The following BPTF variants were observed in gnomAD, a reference collection of about 807,000 sequenced individuals.
BPTF encodes bromodomain PHD finger transcription factor, also known as nucleosome-remodeling factor subunit BPTF.
Under a neutral mutation model 292.5 loss-of-function variants are expected in BPTF, and 18 were observed. That is an observed-to-expected ratio of 0.06 (90% confidence interval 0.04 to 0.09). The LOEUF (loss-of-function observed/expected upper bound fraction) is 0.09, where lower values mean the gene tolerates loss of function less well. BPTF is among the 10% of genes least tolerant of loss of function. The probability of loss-of-function intolerance (pLI) is 1.00; values close to 1 mark genes in which losing one functional copy is unlikely to be tolerated. For synonymous variants in BPTF, 1,225 were observed against 1,251.9 expected, an observed-to-expected ratio of 0.98 and a Z score of 0.45; for missense variants, 2,726 against 3,498.7, an observed-to-expected ratio of 0.78 and a Z score of 5.57.
intron 7 of BPTF, among the ~76,000 whole-genome samples, chr17:67,899,676 G>A (rs1056539451): frequency 7.3e-5 from 11 of 151,634 alleles, no homozygotes; most frequent in East Asian, 2.0e-4. Flanking sequence ...TATTATAGGC[G>A]TGTGCCACCA....
intron 1 of BPTF, among the ~76,000 whole-genome samples, chr17:67,835,387 T>A (rs76133941): frequency 6.6e-6 from 1 of 152,360 alleles, no homozygotes; most frequent in African/African-American, 2.4e-5. Context: ...AGTCTGCCTC[T>A]GTTAGACCAG....
At chr17:67,953,961 C>CTTTTTTTTTTTTTTTTT (rs869063412) in intron 23 of BPTF, among the ~76,000 whole-genome samples, 3 of 65,642 alleles carry the variant, frequency 4.6e-5, no homozygotes, top group African/African-American at 2.2e-4. Context: ...CTTTTCTTTT[C>CTTTTTTTTTTTTTTTTT]TTTTTTTTTT....
intron 23 of BPTF, among the ~76,000 whole-genome samples, chr17:67,949,502 G>T (rs1299588888): frequency 6.6e-6 from 1 of 151,284 alleles, no homozygotes; most frequent in Non-Finnish European, 1.5e-5. Flanking sequence ...TTGAACCTGG[G>T]AGGCAGAGGT....
At chr17:67,946,852 G>A (rs1175628545) in intron 21 of BPTF, among the ~76,000 whole-genome samples, 1 of 152,206 alleles carries the variant, frequency 6.6e-6, no homozygotes, top group East Asian at 1.9e-4. Flanking sequence ...GTGAAATAAA[G>A]CAATTTAGAT....
intron 12 of BPTF, 65 bp downstream of exon 12, chr17:67,918,903 G>A: frequency 6.4e-7 from 1 of 1,550,634 alleles, no homozygotes; most frequent in Non-Finnish European, 8.8e-7. Flanking sequence ...CCAGGCGTGG[G>A]CGCTCATGCC....
chr17:67,930,077 C>T (rs1221587990), intron 17 of BPTF, among the ~76,000 whole-genome samples: 1 of 149,632 alleles, frequency 6.7e-6, no homozygotes, highest in African/African-American at 2.5e-5. Context: ...GATTGTGCCA[C>T]CACACTCTAG....
intron 3 of BPTF, among the ~76,000 whole-genome samples, chr17:67,869,364 T>C (rs1347974813): frequency 1.3e-5 from 2 of 152,140 alleles, no homozygotes; most frequent in South Asian, 2.1e-4. Flanking sequence ...AAAACAGGAA[T>C]GGGTAATCAA....
At chr17:67,916,568 C>G (rs553324972) in intron 11 of BPTF, among the ~76,000 whole-genome samples, 40 of 151,308 alleles carry the variant, frequency 2.6e-4, no homozygotes, top group Non-Finnish European at 5.2e-4. Flanking sequence ...CCAGCCTGAG[C>G]GACAAGAGCA....
intron 7 of BPTF, among the ~76,000 whole-genome samples, chr17:67,897,341 CAAAAAAAAAAAAA>C (rs750678904): frequency 7.3e-4 from 13 of 17,766 alleles, no homozygotes; most frequent in South Asian, 4.7e-3. Context: ...AACTCTGTCT[CAAAAAAAAAAAAA>C]AAAAAAAAAA....
At position 67,945,895 on chromosome 17, in the gene BPTF, A is replaced by C; in HGVS notation, c.7187A>C (p.Gln2396Pro). The C allele has an allele frequency of 6.2e-7, 1 of 1,614,164 alleles. No homozygotes were observed. The highest frequency in any genetic ancestry group is 8.5e-7 in the Non-Finnish European group (1 of 1,180,028). ...PSQGQPQSQP[Q>P]VQSSTQTLSS... ...CAAGGCCAGCCACAGTCACAACCCCAGGTACAGTCTTCAACTCAAACTCTT... is the reference window on the plus strand; with the variant it reads ...CAAGGCCAGCCACAGTCACAACCCCCGGTACAGTCTTCAACTCAAACTCTT... Residue 2396 changes from glutamine to proline, a missense_variant, in exon 21 of 28, where the codon CAG becomes CCG. By Grantham distance (76) the Gln-to-Pro change is moderately conservative. Around this residue, in one of 22 missense-constraint regions of BPTF, gnomAD observed 570 missense variants for 633.5 expected, o/e 0.90. Coordinates refer to ENST00000306378, the MANE Select transcript of BPTF (RefSeq NM_182641.4).
chr17:67,879,980 A>C (rs2060292295), intron 4 of BPTF, among the ~76,000 whole-genome samples: 1 of 152,146 alleles, frequency 6.6e-6, no homozygotes. Flanking sequence ...CATCTAAACT[A>C]TCCAAACTAC....
At chr17:67,939,771 T>C (rs2065218046) in intron 18 of BPTF, among the ~76,000 whole-genome samples, 1 of 152,196 alleles carries the variant, frequency 6.6e-6, no homozygotes, top group Non-Finnish European at 1.5e-5. Flanking sequence ...TCCCAGCTAC[T>C]CGGGAGGCTC....
chr17:67,911,828 T>C lies in BPTF; in HGVS notation c.3944T>C (p.Ile1315Thr). ...ATTGTTCAGAATAGCAATGAAAGCATTTCTGAACAGTTCAGAACTCGAGAA... is the reference window on the plus strand; with the variant it reads ...ATTGTTCAGAATAGCAATGAAAGCACTTCTGAACAGTTCAGAACTCGAGAA... ...DMIVQNSNES[I>T]SEQFRTREQD... Residue 1315 changes from isoleucine to threonine, a missense_variant, in exon 11 of 28, where the codon ATT becomes ACT. This residue lies in a region of BPTF where 713 missense variants were observed against 714.9 expected (regional missense o/e 1.00). Transcript: ENST00000306378. The C allele has an allele frequency of 6.2e-7, 1 of 1,614,176 alleles. No individual in the cohort carries two copies. The highest frequency in any genetic ancestry group is 8.5e-7 in the Non-Finnish European group (1 of 1,180,022).
chr17:67,832,604 T>C (rs150592923), intron 1 of BPTF, among the ~76,000 whole-genome samples: 215 of 152,114 alleles, frequency 1.4e-3, no homozygotes, highest in African/African-American at 4.9e-3. Context: ...AGTATATAAT[T>C]TAGTGGTTTT....
At position 67,948,085 on chromosome 17, in the gene BPTF, A is replaced by G. The variant is rs1555676397; in HGVS notation, c.7705A>G (p.Ile2569Val). 1.2e-6 allele frequency: 2 copies of G among 1,612,814 alleles called. No individual in the cohort carries two copies. Among genetic ancestry groups the G allele is most frequent in the Non-Finnish European group, 1.7e-6 (2 of 1,178,906 alleles). ...AGGTTGTGTATTTTTCTCTAGAATGATTGTCTGTAACCAGGTGATGAAGTA... is the reference window on the plus strand; with the variant it reads ...AGGTTGTGTATTTTTCTCTAGAATGGTTGTCTGTAACCAGGTGATGAAGTA... ...PAEREENQRMIVCNQVMKYIL... is the reference protein window; with the variant it reads ...PAEREENQRMVVCNQVMKYIL... Residue 2569 changes from isoleucine to valine, a missense_variant, in exon 23 of 28, where the codon ATT (isoleucine) becomes GTT (valine). Ile to Val is a conservative substitution (Grantham distance 29, BLOSUM62 3). This residue lies in a region of BPTF where 26 missense variants were observed against 60.6 expected (regional missense o/e 0.43). Coordinates refer to ENST00000306378, the MANE Select transcript of BPTF (RefSeq NM_182641.4).
At chr17:67,963,279 C>A in intron 24 of BPTF, 2 of 1,453,304 alleles carry the variant, frequency 1.4e-6, no homozygotes, top group Middle Eastern at 1.8e-4. Context: ...GATTTAAGTA[C>A]CATGCAGCTC....
chr17:67,887,053 C>A (rs1354969647), intron 4 of BPTF, among the ~76,000 whole-genome samples: 1 of 152,174 alleles, frequency 6.6e-6, no homozygotes, highest in African/African-American at 2.4e-5. Context: ...ACAGTGATGG[C>A]TACTGCTTAA....
At chr17:67,929,039 A>G (rs1171672127) in intron 16 of BPTF, 3 of 1,235,250 alleles carry the variant, frequency 2.4e-6, no homozygotes, top group Admixed American at 4.0e-5. Flanking sequence ...TCCAGTCACT[A>G]TGGCAGGAAA....
intron 24 of BPTF, 105 bp downstream of exon 24, chr17:67,959,980 TA>T (rs1397273681): frequency 1.1e-6 from 1 of 885,800 alleles, no homozygotes; most frequent in Non-Finnish European, 1.7e-6. Flanking sequence ...ATGAAAATAT[TA>T]AATTTAAGAG....
Sources: allele counts gnomAD v4.1 joint callset (sites outside exome capture counted in the v4.1 genomes callset), GRCh38; gene constraint gnomAD v4.1.1; regional missense constraint gnomAD v4.1.1; transcripts MANE v1.5; gene names NCBI Gene and HGNC (gene_info 2026-07-23, HGNC 2026-07-21).